PCSK6: variants seen among roughly 807,000 people sequenced by gnomAD.
The protein encoded by PCSK6 is proprotein convertase subtilisin/kexin type 6.
A neutral mutation model predicts 123.3 loss-of-function variants in PCSK6; 85 were observed. The observed-to-expected ratio is 0.69, with a 90% CI of 0.58 to 0.83. The LOEUF is 0.83. Ranked by LOEUF, PCSK6 falls within the 40% of genes least tolerant of loss-of-function variation. The pLI is 0.00. For synonymous variants in PCSK6, 508 were observed against 516.0 expected, an observed-to-expected ratio of 0.98 and a Z score of 0.21; for missense variants, 1,191 against 1,282.3, an observed-to-expected ratio of 0.93 and a Z score of 1.09.
intron 6 of PCSK6, among the ~76,000 whole-genome samples, chr15:101,409,510 G>A (rs866451964): frequency 1.3e-4 from 19 of 151,472 alleles, no homozygotes; most frequent in African/African-American, 3.4e-4. Flanking sequence ...GCGTGAACCC[G>A]GGAGGCGGAG....
At chr15:101,309,407 G>A (rs1313871756) in intron 20 of PCSK6, among the ~76,000 whole-genome samples, 1 of 152,214 alleles carries the variant, frequency 6.6e-6, no homozygotes, top group Non-Finnish European at 1.5e-5. Flanking sequence ...CCAGCTTTGG[G>A]CAGGGTGGCT....
intron 10 of PCSK6, 44 bp from the exon 11 acceptor site, chr15:101,382,253 C>T (rs1441074476): frequency 7.0e-7 from 1 of 1,436,278 alleles, no homozygotes; most frequent in Non-Finnish European, 9.6e-7. Flanking sequence ...CTGCCTCTCC[C>T]AGGAAGGGAG....
At chr15:101,476,437 T>C (rs1020131142) in intron 1 of PCSK6, among the ~76,000 whole-genome samples, 1 of 151,920 alleles carries the variant, frequency 6.6e-6, no homozygotes, top group African/African-American at 2.4e-5. Flanking sequence ...ATAAAACTAT[T>C]TAAAAAGAAT....
At chr15:101,468,239 G>A (rs1337066649) in intron 1 of PCSK6, among the ~76,000 whole-genome samples, 1 of 152,086 alleles carries the variant, frequency 6.6e-6, no homozygotes, top group African/African-American at 2.4e-5. Flanking sequence ...CAAGCCCTCA[G>A]AGCAGTTTCT....
intron 9 of PCSK6, among the ~76,000 whole-genome samples, chr15:101,387,637 G>A (rs2042103052): frequency 2.4e-5 from 1 of 41,036 alleles, no homozygotes; most frequent in Non-Finnish European, 7.1e-5. Flanking sequence ...CCAAAACCAT[G>A]GGACTCCCTT....
intron 1 of PCSK6, among the ~76,000 whole-genome samples, chr15:101,484,692 G>C (rs1389800564): frequency 6.6e-6 from 1 of 152,176 alleles, no homozygotes; most frequent in African/African-American, 2.4e-5. Context: ...CGCCCGGCCT[G>C]CTTTGTGTGT....
chr15:101,372,545 A>T (rs1222087732), intron 11 of PCSK6, among the ~76,000 whole-genome samples: 2 of 152,148 alleles, frequency 1.3e-5, no homozygotes, highest in Admixed American at 6.5e-5. Context: ...GCTGCGGTAG[A>T]TGGCGAACAC....
At chr15:101,380,716 A>G (rs1273398779) in intron 11 of PCSK6, among the ~76,000 whole-genome samples, 2 of 152,332 alleles carry the variant, frequency 1.3e-5, no homozygotes, top group Admixed American at 1.3e-4. Flanking sequence ...CACTCCTACC[A>G]TATGCGAGCC....
chr15:101,388,901 G>A (rs929636247), intron 9 of PCSK6, among the ~76,000 whole-genome samples: 2 of 152,108 alleles, frequency 1.3e-5, no homozygotes, highest in African/African-American at 2.4e-5. Flanking sequence ...AGGGCGGGGG[G>A]TCAATGGGGA....
chr15:101,430,687 G>A (rs1197067148), intron 4 of PCSK6, among the ~76,000 whole-genome samples: 1 of 152,222 alleles, frequency 6.6e-6, no homozygotes, highest in East Asian at 1.9e-4. Flanking sequence ...TCTAAGGGCT[G>A]CATAACGATC....
At chr15:101,339,852 A>T (rs1297933619) in intron 13 of PCSK6, among the ~76,000 whole-genome samples, 1 of 151,978 alleles carries the variant, frequency 6.6e-6, no homozygotes, top group Non-Finnish European at 1.5e-5. Flanking sequence ...TGGAGGCTGC[A>T]GTGAGCCGTG....
At chr15:101,393,042 G>A (rs2042279303) in intron 8 of PCSK6, among the ~76,000 whole-genome samples, 170 bp downstream of exon 8, 3 of 152,180 alleles carry the variant, frequency 2.0e-5, no homozygotes, top group African/African-American at 7.2e-5. Flanking sequence ...CCAAGGGACT[G>A]GGGTTTACCT....
At chr15:101,414,357 A>G (rs769836765) in intron 6 of PCSK6, among the ~76,000 whole-genome samples, 5 of 152,212 alleles carry the variant, frequency 3.3e-5, no homozygotes, top group Non-Finnish European at 7.3e-5. Context: ...AATCACATAC[A>G]AAGATGTAAG....
chr15:101,373,326 C>T (rs1275125283), intron 11 of PCSK6, among the ~76,000 whole-genome samples: 2 of 152,204 alleles, frequency 1.3e-5, no homozygotes, highest in African/African-American at 4.8e-5. Context: ...AGGAGCCCAG[C>T]AGCCTCCTGG....
chr15:101,367,244 C>A (rs2041426306), intron 12 of PCSK6, among the ~76,000 whole-genome samples: 1 of 152,252 alleles, frequency 6.6e-6, no homozygotes, highest in African/African-American at 2.4e-5. Flanking sequence ...CAGTGCCATC[C>A]TCAGAAGTGA....
At chr15:101,320,200 C>T (rs1390528489) in intron 18 of PCSK6, among the ~76,000 whole-genome samples, 1 of 152,218 alleles carries the variant, frequency 6.6e-6, no homozygotes, top group Non-Finnish European at 1.5e-5. Context: ...ATTCTCCTGC[C>T]TCAGCCTCCC....
At chr15:101,386,135 C>T (rs534242908) in intron 9 of PCSK6, among the ~76,000 whole-genome samples, 1 of 152,042 alleles carries the variant, frequency 6.6e-6, no homozygotes, top group Non-Finnish European at 1.5e-5. Flanking sequence ...GCTCTCGGTG[C>T]GTGTTTACTA....
At chr15:101,383,491 C>A (rs7164907) in intron 10 of PCSK6, among the ~76,000 whole-genome samples, 86,125 of 151,176 alleles carry the variant, frequency 0.57, 25,203 homozygotes, top group African/African-American at 0.7. Flanking sequence ...CAAAGGCCGC[C>A]AACAGCCAGC....
At chr15:101,386,131 G>A (rs1023843313) in intron 9 of PCSK6, among the ~76,000 whole-genome samples, 9 of 152,018 alleles carry the variant, frequency 5.9e-5, no homozygotes, top group Non-Finnish European at 8.8e-5. Context: ...CCGTGCTCTC[G>A]GTGCGTGTTT....
Sources: allele counts gnomAD v4.1 joint callset (sites outside exome capture counted in the v4.1 genomes callset), GRCh38; gene constraint gnomAD v4.1.1; transcripts MANE v1.5; gene names NCBI Gene and HGNC (gene_info 2026-07-23, HGNC 2026-07-21).